The following CNTNAP2 variants were observed in gnomAD, a reference collection of about 807,000 sequenced individuals.
CNTNAP2 encodes contactin associated protein 2.
A neutral mutation model predicts 155.2 loss-of-function variants in CNTNAP2; 98 were observed. The observed-to-expected ratio is 0.63, with a 90% CI of 0.54 to 0.75. CNTNAP2 has a LOEUF of 0.75. CNTNAP2 is among the 30% of genes least tolerant of loss of function. The probability of loss-of-function intolerance (pLI) is 0.00; values close to 1 mark genes in which losing one functional copy is unlikely to be tolerated. For synonymous variants in CNTNAP2, 651 were observed against 631.2 expected (o/e 1.03, Z -0.47); for missense variants, 1,727 against 1,688.1 (o/e 1.02, Z -0.40).
At chr7:147,630,817 G>A (rs144490920) in intron 12 of CNTNAP2, among the ~76,000 whole-genome samples, 131 of 152,170 alleles carry the variant, frequency 8.6e-4, no homozygotes, top group African/African-American at 3.1e-3. Flanking sequence ...TAGAAGGGAT[G>A]TACCTCAATG....
intron 4 of CNTNAP2, among the ~76,000 whole-genome samples, chr7:147,062,705 A>G (rs553215692): frequency 6.6e-6 from 1 of 152,240 alleles, no homozygotes; most frequent in East Asian, 1.9e-4. Context: ...CCTTATTATT[A>G]TTGCTGCTGT....
At chr7:147,934,327 A>G (rs1331322303) in intron 14 of CNTNAP2, among the ~76,000 whole-genome samples, 3 of 152,232 alleles carry the variant, frequency 2.0e-5, no homozygotes, top group African/African-American at 7.2e-5. Context: ...CAGTCATGGC[A>G]GAAGGCAAGG....
chr7:148,315,919 G>T (rs569246442), intron 21 of CNTNAP2, among the ~76,000 whole-genome samples: 2 of 152,018 alleles, frequency 1.3e-5, no homozygotes, highest in African/African-American at 4.8e-5. Context: ...TAATGTCTAG[G>T]CTGGAGTATA....
At chr7:147,478,309 C>G (rs1436569959) in intron 10 of CNTNAP2, among the ~76,000 whole-genome samples, 1 of 151,960 alleles carries the variant, frequency 6.6e-6, no homozygotes, top group Non-Finnish European at 1.5e-5. Context: ...CCCACCACCA[C>G]AGCCAGCTAA....
chr7:146,531,825 A>G (rs2129139321), intron 1 of CNTNAP2, among the ~76,000 whole-genome samples: 1 of 152,262 alleles, frequency 6.6e-6, no homozygotes, highest in South Asian at 2.1e-4. Flanking sequence ...GATTAGAGGC[A>G]TGAGCCACCA....
chr7:147,180,750 G>T (rs189613588), intron 8 of CNTNAP2, among the ~76,000 whole-genome samples: 29 of 152,146 alleles, frequency 1.9e-4, no homozygotes, highest in Admixed American at 1.6e-3. Context: ...AGAGATCCAA[G>T]CCAGCATACT....
rs34996621 is a variant in CNTNAP2, at chr7:146,370,260, TAAAAAA to T, written c.97+253311_97+253316del. ...AATAGGTGAAACCCCATCTCTACTTTAAAAAAAAAAAAAAAAAAAAAAAAAAAAATT... is the reference window on the plus strand; with the variant it reads ...AATAGGTGAAACCCCATCTCTACTTTAAAAAAAAAAAAAAAAAAAAAAATT... On this transcript the variant is annotated intron_variant, in intron 1 of 23. Transcript: ENST00000361727. Among the ~76,000 whole-genome samples the T allele has an allele frequency of 1.7e-3, 151 of 87,600 alleles. 1 individual carries two copies. The highest frequency in any genetic ancestry group is 7.4e-3 in the African/African-American group (144 of 19,382). The allele number at this position is 87,600 out of a possible 152,430, so 57.5% of individuals were successfully genotyped here. A position where few individuals can be genotyped will look rare whatever the true frequency, so the allele number is the denominator to read the frequency against.
chr7:148,287,773 CTCTT>C (rs1797107843), intron 21 of CNTNAP2, among the ~76,000 whole-genome samples: 1 of 146,912 alleles, frequency 6.8e-6, no homozygotes. Context: ...GTCTCTCTTC[CTCTT>C]TCTTTCTTTC....
chr7:147,786,403 G>A (rs1354064243), intron 13 of CNTNAP2, among the ~76,000 whole-genome samples: 1 of 152,196 alleles, frequency 6.6e-6, no homozygotes, highest in African/African-American at 2.4e-5. Context: ...CAGCAAGATG[G>A]AGACTGAGAG....
intron 15 of CNTNAP2, among the ~76,000 whole-genome samples, chr7:147,981,293 G>A (rs1267040951): frequency 1.3e-5 from 2 of 152,146 alleles, no homozygotes; most frequent in African/African-American, 4.8e-5. Flanking sequence ...GCCTTAAAAT[G>A]TTTCATTTGG....
chr7:147,457,966 A>G (rs569355076), intron 10 of CNTNAP2, among the ~76,000 whole-genome samples: 1 of 152,242 alleles, frequency 6.6e-6, no homozygotes, highest in African/African-American at 2.4e-5. Context: ...TCTTTGTATT[A>G]GGGTATTTCT....
intron 9 of CNTNAP2, among the ~76,000 whole-genome samples, chr7:147,340,580 A>T (rs991078317): frequency 6.6e-6 from 1 of 152,032 alleles, no homozygotes; most frequent in African/African-American, 2.4e-5. Flanking sequence ...GCACTTGGAG[A>T]AGTAGGAGCT....
intron 1 of CNTNAP2, among the ~76,000 whole-genome samples, chr7:146,607,709 C>T (rs765345820): frequency 6.6e-6 from 1 of 151,984 alleles, no homozygotes; most frequent in South Asian, 2.1e-4. Flanking sequence ...AATGCCTGGG[C>T]TCAAGCGATC....
At chr7:146,940,656 G>A (rs1194981805) in intron 3 of CNTNAP2, among the ~76,000 whole-genome samples, 1 of 151,816 alleles carries the variant, frequency 6.6e-6, no homozygotes, top group Non-Finnish European at 1.5e-5. Flanking sequence ...AAGCTCCACA[G>A]AGATTGTGAC....
intron 13 of CNTNAP2, among the ~76,000 whole-genome samples, chr7:147,752,044 A>T (rs982198480): frequency 6.6e-6 from 1 of 152,238 alleles, no homozygotes; most frequent in East Asian, 1.9e-4. Context: ...AGCTATTGCT[A>T]TGTAATGAAG....
At chr7:148,074,528 A>G (rs1031226012) in intron 15 of CNTNAP2, among the ~76,000 whole-genome samples, 1 of 151,890 alleles carries the variant, frequency 6.6e-6, no homozygotes, top group Non-Finnish European at 1.5e-5. Flanking sequence ...CGTCTCTACT[A>G]AAAATACAAA....
intron 1 of CNTNAP2, among the ~76,000 whole-genome samples, chr7:146,699,998 G>A (rs1319114140): frequency 6.6e-6 from 1 of 152,030 alleles, no homozygotes; most frequent in Non-Finnish European, 1.5e-5. Context: ...AAATATTCAG[G>A]GGGTATTTCA....
chr7:147,303,201 C>T (rs1223122771), intron 9 of CNTNAP2, among the ~76,000 whole-genome samples: 1 of 152,206 alleles, frequency 6.6e-6, no homozygotes, highest in Non-Finnish European at 1.5e-5. Context: ...ACCCTTAATG[C>T]CTTTAAGTTC....
At position 148,415,546 on chromosome 7, in the gene CNTNAP2, C is replaced by T. The variant is rs753819136; in HGVS notation, c.3926C>T (p.Ala1309Val). 1.2e-6 allele frequency: 2 copies of T among 1,614,232 alleles called. No homozygotes were observed. The highest frequency in any genetic ancestry group is 2.2e-5 in the South Asian group (2 of 91,086). ...KGAESAESAD[A>V]AIMNNDPNFT... The stretch of plus-strand genomic sequence containing the variant: ...GCGGAGTCGGCAGAGAGCGCGGACG[C>T]CGCCATCATGAACAACGACCCCAAC... The change falls in exon 24 of 24, where the codon GCC becomes GTC. Residue 1309 changes from alanine to valine, a missense_variant. By Grantham distance (64) the Ala-to-Val change is moderately conservative. Coordinates refer to ENST00000361727, the MANE Select transcript of CNTNAP2 (RefSeq NM_014141.6).
Sources: gnomAD v4.1 joint callset for allele counts (sites outside exome capture counted in the v4.1 genomes callset) on GRCh38, gnomAD v4.1.1 for gene constraint, MANE v1.5 for transcripts, NCBI Gene and HGNC (gene_info 2026-07-23, HGNC 2026-07-21) for gene names.